Variants in PRKD1 observed in about 807,000 individuals in gnomAD.
PRKD1 encodes the protein serine/threonine-protein kinase D1.
A neutral mutation model predicts 95.9 loss-of-function variants in PRKD1; 63 were observed. The observed-to-expected ratio is 0.66, with a 90% CI of 0.54 to 0.81. The LOEUF is 0.81. PRKD1 is among the 30% of genes least tolerant of loss of function. The pLI is 0.00. For missense variants in PRKD1, 1,048 were observed against 1,165.3 expected (o/e 0.90, Z 1.47); for synonymous variants, 425 against 423.1 (o/e 1.00, Z -0.05).
intron 13 of PRKD1, among the ~76,000 whole-genome samples, chr14:29,604,891 G>A (rs1893650170): frequency 6.6e-6 from 1 of 152,138 alleles, no homozygotes; most frequent in Admixed American, 6.6e-5. Context: ...TTAAATGGAA[G>A]AGGTCCAACA....
intron 2 of PRKD1, among the ~76,000 whole-genome samples, chr14:29,720,795 A>G (rs963019282): frequency 1.3e-5 from 2 of 151,232 alleles, no homozygotes; most frequent in Middle Eastern, 3.4e-3. Flanking sequence ...AAATAAATAA[A>G]TAAATAAATA....
chr14:29,813,405 A>C (rs962700352), intron 1 of PRKD1, among the ~76,000 whole-genome samples: 2 of 152,228 alleles, frequency 1.3e-5, no homozygotes, highest in Non-Finnish European at 2.9e-5. Context: ...TCAGATGGTG[A>C]AACATCACAA....
intron 1 of PRKD1, among the ~76,000 whole-genome samples, chr14:29,850,096 A>C (rs958110484): frequency 6.6e-6 from 1 of 152,182 alleles, no homozygotes; most frequent in Non-Finnish European, 1.5e-5. Context: ...CCAATGTCAT[A>C]CTGAATGGAC....
At chr14:29,711,654 CT>C (rs1369828207) in intron 2 of PRKD1, among the ~76,000 whole-genome samples, 1 of 152,036 alleles carries the variant, frequency 6.6e-6, no homozygotes, top group African/African-American at 2.4e-5. Flanking sequence ...ATGAACAAGT[CT>C]TTTCAGAATG....
At chr14:29,652,264 A>C (rs1391700335) in intron 4 of PRKD1, among the ~76,000 whole-genome samples, 6 of 152,186 alleles carry the variant, frequency 3.9e-5, no homozygotes, top group Non-Finnish European at 8.8e-5. Context: ...CGGGATTTTC[A>C]GAGCTGTTAC....
At chr14:29,608,988 C>T (rs929928579) in intron 13 of PRKD1, among the ~76,000 whole-genome samples, 1 of 152,152 alleles carries the variant, frequency 6.6e-6, no homozygotes, top group Non-Finnish European at 1.5e-5. Context: ...ATACAAATGA[C>T]ATGACTTCAA....
chr14:29,768,403 A>G (rs769225189), intron 1 of PRKD1, among the ~76,000 whole-genome samples: 29 of 152,212 alleles, frequency 1.9e-4, no homozygotes, highest in Non-Finnish European at 3.1e-4. Context: ...TACTTTGGTA[A>G]CTGCTCATTC....
intron 1 of PRKD1, among the ~76,000 whole-genome samples, chr14:29,802,071 GGAAGGAAGAAAGGAGC>G (rs1418314711): frequency 1.3e-5 from 2 of 152,012 alleles, no homozygotes; most frequent in Non-Finnish European, 2.9e-5. Context: ...GCCTGTGAAA[GGAAGGAAGAAAGGAGC>G]GAAGGAAGAA....
intron 1 of PRKD1, among the ~76,000 whole-genome samples, chr14:29,797,677 A>G (rs1286586687): frequency 6.6e-6 from 1 of 152,240 alleles, no homozygotes; most frequent in East Asian, 1.9e-4. Context: ...GGAACCTCGA[A>G]GCACCTGCAC....
chr14:29,869,045 A>G (rs1352008607), intron 1 of PRKD1, among the ~76,000 whole-genome samples: 3 of 152,152 alleles, frequency 2.0e-5, no homozygotes, highest in African/African-American at 7.2e-5. Flanking sequence ...GCAAAACATA[A>G]TCCTAAATTC....
At chr14:29,676,745 T>C (rs1024343638) in intron 2 of PRKD1, among the ~76,000 whole-genome samples, 1 of 152,080 alleles carries the variant, frequency 6.6e-6, no homozygotes, top group Non-Finnish European at 1.5e-5. Context: ...AATAAATACA[T>C]AGGATACACA....
chr14:29,740,563 G>C (rs545973746), intron 1 of PRKD1, among the ~76,000 whole-genome samples: 44 of 152,278 alleles, frequency 2.9e-4, no homozygotes, highest in African/African-American at 9.1e-4. Flanking sequence ...AAGACAGAAA[G>C]AATGGCCAAA....
At chr14:29,835,392 C>T (rs1488732490) in intron 1 of PRKD1, among the ~76,000 whole-genome samples, 4 of 152,064 alleles carry the variant, frequency 2.6e-5, no homozygotes, top group Admixed American at 2.6e-4. Flanking sequence ...TACACTTTAC[C>T]TTCACAACCA....
intron 1 of PRKD1, among the ~76,000 whole-genome samples, chr14:29,727,257 G>C (rs908747998): frequency 6.6e-6 from 1 of 151,984 alleles, no homozygotes; most frequent in Non-Finnish European, 1.5e-5. Context: ...TTTTTTTCTT[G>C]TAAATTTGTT....
intron 4 of PRKD1, among the ~76,000 whole-genome samples, chr14:29,654,082 ATTT>A (rs964552365): frequency 6.7e-6 from 1 of 149,246 alleles, no homozygotes; most frequent in African/African-American, 2.4e-5. Flanking sequence ...TTGAATAACT[ATTT>A]TTTTTTTTAA....
chr14:29,916,182 T>G (rs1275204171), intron 1 of PRKD1, among the ~76,000 whole-genome samples: 1 of 152,158 alleles, frequency 6.6e-6, no homozygotes, highest in Non-Finnish European at 1.5e-5. Flanking sequence ...GGGATAAGCT[T>G]TTCAAAATTC....
chr14:29,671,369 C>T (rs1273509668), intron 2 of PRKD1, among the ~76,000 whole-genome samples: 4 of 152,052 alleles, frequency 2.6e-5, no homozygotes, highest in East Asian at 1.9e-4. Flanking sequence ...TAAGTGGCTC[C>T]GGCCAGAGAA....
intron 2 of PRKD1, among the ~76,000 whole-genome samples, chr14:29,686,180 T>C (rs1326677589): frequency 6.6e-6 from 1 of 152,188 alleles, no homozygotes; most frequent in African/African-American, 2.4e-5. Flanking sequence ...CTCTTTTTAA[T>C]TTGAATCATT....
chr14:29,612,440 T>A (rs1878533692), intron 13 of PRKD1, among the ~76,000 whole-genome samples: 2 of 152,180 alleles, frequency 1.3e-5, no homozygotes, highest in South Asian at 4.1e-4. Context: ...TAATGATTTT[T>A]AAAATGCTTT....
Sources: allele counts gnomAD v4.1 joint callset (sites outside exome capture counted in the v4.1 genomes callset), GRCh38; gene constraint gnomAD v4.1.1; transcripts MANE v1.5; gene names NCBI Gene and HGNC (gene_info 2026-07-23, HGNC 2026-07-21).